SYCP2L: variants seen among roughly 807,000 people sequenced by gnomAD.
SYCP2L encodes the protein synaptonemal complex protein 2 like.
In SYCP2L, 98 loss-of-function variants were observed where a neutral mutation model predicts 125.8. That is an observed-to-expected ratio of 0.78 (90% confidence interval 0.66 to 0.92). The LOEUF (loss-of-function observed/expected upper bound fraction) is 0.92. Ranked by LOEUF, SYCP2L falls within the 40% of genes least tolerant of loss-of-function variation. SYCP2L has a pLI of 0.00. For synonymous variants in SYCP2L, 317 were observed against 325.4 expected, an observed-to-expected ratio of 0.97 and a Z score of 0.28; for missense variants, 842 against 936.4, an observed-to-expected ratio of 0.90 and a Z score of 1.32.
rs1157827044 is a variant in SYCP2L, at chr6:10,902,915, G to A, written c.593G>A (p.Arg198Gln). The A allele has an allele frequency of 2.5e-6, 4 of 1,614,102 alleles. No homozygotes were observed. Among genetic ancestry groups the A allele is most frequent in the South Asian group, 1.1e-5 (1 of 91,062 alleles). The change falls in exon 8 of 30, where the codon CGA becomes CAA. Residue 198 changes from arginine (R) to glutamine (Q), a missense_variant. Transcript: ENST00000283141. ...AACTGCATTTTGCACGCTGTCCCTC[G>A]AGAAGAGAGAAAAAAATTCCCTTTG... ...TFNCILHAVP[R>Q]EERKKFPLSE...
intron 14 of SYCP2L, among the ~76,000 whole-genome samples, chr6:10,919,862 C>A (rs1300627603): frequency 6.6e-6 from 1 of 152,076 alleles, no homozygotes; most frequent in Non-Finnish European, 1.5e-5. Flanking sequence ...GGGGAAAAGT[C>A]AGCAGTCACA....
chr6:10,907,606 T>A lies in SYCP2L; in HGVS notation c.741T>A (p.Asp247Glu). ...GACTGACGATTAAAAAATCAAGGGA[T>A]GAACTTGTCCATAAATGGTTTGATG... is the stretch of plus-strand genomic sequence containing the variant. ...LCRLTIKKSR[D>E]ELVHKWFDDE... Residue 247 changes from aspartate (D) to glutamate (E), a missense_variant, in exon 10 of 30, where the codon GAT becomes GAA. Physicochemically the swap from Asp to Glu is conservative, Grantham distance 45. Coordinates refer to ENST00000283141, the MANE Select transcript of SYCP2L (RefSeq NM_001040274.3). 6.2e-7 allele frequency: 1 copy of A among 1,613,852 alleles called. No individual in the cohort carries two copies. The highest frequency in any genetic ancestry group is 8.5e-7 in the Non-Finnish European group (1 of 1,179,874).
At position 10,951,550 on chromosome 6, in the gene SYCP2L, T is replaced by G. The variant is rs76525523; in HGVS notation, c.1955-3566T>G. ...GTTGAGTTATCCATTCTTAACTGCATTAATCTATACAAAAGATATTTAGTA... is the reference window on the plus strand; with the variant it reads ...GTTGAGTTATCCATTCTTAACTGCAGTAATCTATACAAAAGATATTTAGTA... On this transcript the variant is annotated intron_variant, in intron 23 of 29. Coordinates refer to ENST00000283141, the MANE Select transcript of SYCP2L (RefSeq NM_001040274.3). Among the ~76,000 whole-genome samples, 23 of 152,360 alleles carry G rather than the reference T, an allele frequency of 1.5e-4. No individual in the cohort carries two copies. The East Asian group carries it at 4.2e-3, about 28-fold the overall frequency.
rs149463257 is a variant in SYCP2L, at chr6:10,916,234, A to G, written c.1072+3307A>G. Among the ~76,000 whole-genome samples, 35 of 152,114 alleles carry G rather than the reference A, an allele frequency of 2.3e-4. No homozygotes were observed. The East Asian group carries it at 6.2e-3, about 27-fold the overall frequency. ...CTTCTTTTCTTGGTTAGTCTTACTC[A>G]TGGTCTATCAGTTTTATTTATCTTT... On this transcript the variant is annotated intron_variant, in intron 14 of 29. Coordinates refer to ENST00000283141, the MANE Select transcript of SYCP2L (RefSeq NM_001040274.3).
At chr6:10,928,587 A>G (rs1347310088) in intron 18 of SYCP2L, 137 bp downstream of exon 18, 24 of 1,262,388 alleles carry the variant, frequency 1.9e-5, no homozygotes, top group Non-Finnish European at 2.4e-5. Context: ...TTTTTAAGAC[A>G]AGGCCTTGTT....
intron 9 of SYCP2L, 22 bp from the exon 10 acceptor site, chr6:10,907,520 C>G (rs772269097): frequency 6.2e-7 from 1 of 1,600,588 alleles, no homozygotes; most frequent in South Asian, 1.1e-5. Context: ...TTATCTATGT[C>G]TACTATGTTT....
intron 4 of SYCP2L, among the ~76,000 whole-genome samples, chr6:10,894,743 T>C (rs112978732): frequency 6.8e-4 from 104 of 152,354 alleles, no homozygotes; most frequent in African/African-American, 2.4e-3. Flanking sequence ...CGAGTGCCTT[T>C]ATAACGGCAT....
intron 14 of SYCP2L, among the ~76,000 whole-genome samples, chr6:10,918,719 T>C (rs1780732854): frequency 6.6e-6 from 1 of 152,144 alleles, no homozygotes; most frequent in African/African-American, 2.4e-5. Flanking sequence ...GTATTTTTAG[T>C]AGAGACGGGT....
At chr6:10,900,339 T>G (rs1175173780) in intron 6 of SYCP2L, among the ~76,000 whole-genome samples, 2 of 150,466 alleles carry the variant, frequency 1.3e-5, no homozygotes, top group Non-Finnish European at 3.0e-5. Flanking sequence ...GCCAGAGCTC[T>G]TTCTTTTTCT....
chr6:10,900,358 CT>C lies in SYCP2L; in HGVS notation c.466+1523del, dbSNP rs1241224571. Among the ~76,000 whole-genome samples, 457 of 127,858 alleles carry C rather than the reference CT, an allele frequency of 3.6e-3. 1 individual carries two copies. Among genetic ancestry groups the C allele is most frequent in the Middle Eastern group, 0.012 (3 of 248 alleles). 83.9% of individuals were successfully genotyped at this position (127,858 alleles called of 152,430 possible). A position where few individuals can be genotyped will look rare whatever the true frequency, so the allele number is the denominator to read the frequency against. On this transcript the variant is annotated intron_variant, in intron 6 of 29. Coordinates refer to ENST00000283141, the MANE Select transcript of SYCP2L (RefSeq NM_001040274.3). ...GAGCTCTTTCTTTTTCTTTTCTTTT[CT>C]TTTTTTTTTTTTGAGACAGAGTCTC...
At chr6:10,915,591 G>C (rs977177565) in intron 14 of SYCP2L, among the ~76,000 whole-genome samples, 1 of 152,146 alleles carries the variant, frequency 6.6e-6, no homozygotes, top group African/African-American at 2.4e-5. Context: ...TGTGATTTTT[G>C]TTTTTAATTC....
chr6:10,933,633 G>A (rs572897815), intron 20 of SYCP2L, among the ~76,000 whole-genome samples: 1 of 152,298 alleles, frequency 6.6e-6, no homozygotes, highest in East Asian at 1.9e-4. Flanking sequence ...CAATTCAGGG[G>A]TCTTACGATC....
chr6:10,907,732 G>T, intron 10 of SYCP2L, 48 bp downstream of exon 10: 1 of 1,593,542 alleles, frequency 6.3e-7, no homozygotes, highest in East Asian at 2.2e-5. Context: ...TATTTATTAA[G>T]CATCCGCTGA....
intron 18 of SYCP2L, among the ~76,000 whole-genome samples, chr6:10,929,544 C>T (rs1032682439): frequency 5.9e-5 from 9 of 152,162 alleles, no homozygotes; most frequent in African/African-American, 2.2e-4. Context: ...TATCAAAGTA[C>T]AGTTGAATAA....
rs567690902 is a variant in SYCP2L, at chr6:10,903,826, T to C, written c.641+863T>C. ...TTTTTCCTTTTTAATAATTATAATT[T>C]TTTTTTCTTTTTGCTTCAACGTTGT... is the stretch of plus-strand genomic sequence containing the variant. On this transcript the variant is annotated intron_variant, in intron 8 of 29. Coordinates refer to ENST00000283141, the MANE Select transcript of SYCP2L (RefSeq NM_001040274.3). 2.1e-4 allele frequency among the ~76,000 whole-genome samples: 32 copies of C among 150,032 alleles called. 2 individuals are homozygous for C. In the South Asian group the frequency reaches 6.6e-3, roughly 31 times the overall value.
intron 10 of SYCP2L, among the ~76,000 whole-genome samples, chr6:10,908,508 A>T (rs1055146572): frequency 1.3e-5 from 2 of 152,102 alleles, no homozygotes; most frequent in African/African-American, 4.8e-5. Flanking sequence ...AAAATAGCGT[A>T]TGGCTTTGCT....
At chr6:10,943,647 GATT>G (rs912017075) in intron 23 of SYCP2L, among the ~76,000 whole-genome samples, 9 of 152,150 alleles carry the variant, frequency 5.9e-5, no homozygotes, top group African/African-American at 2.2e-4. Context: ...TTCCATACCA[GATT>G]ATTACTTATT....
intron 16 of SYCP2L, among the ~76,000 whole-genome samples, chr6:10,926,781 CTTT>C (rs774954530): frequency 2.2e-5 from 3 of 136,426 alleles, no homozygotes; most frequent in African/African-American, 8.1e-5. Context: ...GATTTCTTTT[CTTT>C]TTTTTTTTTT....
At chr6:10,938,892 C>T (rs978585319) in intron 21 of SYCP2L, among the ~76,000 whole-genome samples, 6 of 152,100 alleles carry the variant, frequency 3.9e-5, no homozygotes, top group South Asian at 4.2e-4. Flanking sequence ...ACGCCAAGGC[C>T]GGAGGATTAC....
Sources: gnomAD v4.1 joint callset for allele counts (sites outside exome capture counted in the v4.1 genomes callset) on GRCh38, gnomAD v4.1.1 for gene constraint, MANE v1.5 for transcripts, NCBI Gene and HGNC (gene_info 2026-07-23, HGNC 2026-07-21) for gene names.